The following PKHD1 variants were observed in gnomAD, a reference collection of about 807,000 sequenced individuals.
The protein encoded by PKHD1 is fibrocystin.
In PKHD1, 291 loss-of-function variants were observed where a neutral mutation model predicts 412.0. The ratio of observed to expected loss-of-function variants is 0.71; its 90% CI spans 0.64 to 0.78. The LOEUF (loss-of-function observed/expected upper bound fraction) is 0.78, where lower values mean the gene tolerates loss of function less well. Among genes scored for constraint, PKHD1 ranks in the 30% least tolerant of loss-of-function variants. The pLI is 0.00. For missense variants in PKHD1, 4,825 were observed against 4,950.7 expected, an observed-to-expected ratio of 0.97 and a Z score of 0.76; for synonymous variants, 1,777 against 1,821.5, an observed-to-expected ratio of 0.98 and a Z score of 0.62.
At chr6:51,862,618 T>C (rs1271650039) in intron 48 of PKHD1, among the ~76,000 whole-genome samples, 1 of 152,204 alleles carries the variant, frequency 6.6e-6, no homozygotes, top group Non-Finnish European at 1.5e-5. Flanking sequence ...AGGGGGTGAC[T>C]CGTACTTTGA....
At chr6:51,746,601 A>G in intron 59 of PKHD1, 120 bp downstream of exon 59, 2 of 715,920 alleles carry the variant, frequency 2.8e-6, no homozygotes, top group African/African-American at 3.5e-5. Context: ...GTACCTTACC[A>G]TTCTAAGATT....
chr6:51,663,543 C>T (rs542428314), intron 60 of PKHD1, among the ~76,000 whole-genome samples: 4 of 152,224 alleles, frequency 2.6e-5, no homozygotes, highest in African/African-American at 9.6e-5. Flanking sequence ...GACAATATTT[C>T]ATCTCTAAAT....
In PKHD1 at chr6:51,623,708, C is replaced by T. The variant is rs191104652; in HGVS notation, c.11785+3289G>A. ...AAGCAATTCTCCAGTCTCAGCCTCC[C>T]GAGTAGCTGTGACTACAGGCATGTG... On this transcript the variant is annotated intron_variant, in intron 66 of 66. Transcript: ENST00000371117. Among the ~76,000 whole-genome samples, 13 of 152,216 alleles carry T rather than the reference C, an allele frequency of 8.5e-5. 1 individual carries two copies. In the East Asian group the frequency reaches 2.5e-3, roughly 30 times the overall value.
At chr6:51,997,645 C>T (rs1046346087) in intron 35 of PKHD1, among the ~76,000 whole-genome samples, 7 of 152,128 alleles carry the variant, frequency 4.6e-5, no homozygotes, top group Non-Finnish European at 8.8e-5. Flanking sequence ...GTCATGTCTC[C>T]CCAGAAACTT....
intron 35 of PKHD1, among the ~76,000 whole-genome samples, chr6:51,988,445 A>G (rs1180374954): frequency 2.0e-5 from 3 of 152,136 alleles, no homozygotes; most frequent in Non-Finnish European, 4.4e-5. Context: ...CATACTACAT[A>G]TTTTTCATCT....
chr6:51,663,701 C>T (rs990144108), intron 60 of PKHD1, among the ~76,000 whole-genome samples: 15 of 152,108 alleles, frequency 9.9e-5, no homozygotes, highest in Non-Finnish European at 1.8e-4. Flanking sequence ...GACTCTTACT[C>T]TATAGTACAA....
intron 43 of PKHD1, among the ~76,000 whole-genome samples, chr6:51,896,921 A>G (rs921431874): frequency 1.9e-4 from 29 of 152,314 alleles, no homozygotes; most frequent in Middle Eastern, 3.4e-3. Flanking sequence ...CAGCGATGGA[A>G]GATGAAGTGA....
chr6:51,727,928 C>T (rs1000717944), intron 60 of PKHD1, among the ~76,000 whole-genome samples: 1 of 152,166 alleles, frequency 6.6e-6, no homozygotes, highest in Non-Finnish European at 1.5e-5. Context: ...CTCTTCTGCC[C>T]TACTCTATGC....
At chr6:51,707,987 C>T (rs1047672756) in intron 60 of PKHD1, among the ~76,000 whole-genome samples, 26 of 152,154 alleles carry the variant, frequency 1.7e-4, no homozygotes, top group Non-Finnish European at 3.4e-4. Context: ...TATTCTGTCC[C>T]TGAGCCTTGG....
chr6:51,749,934 ATAAAGT>A (rs768675369), intron 57 of PKHD1, among the ~76,000 whole-genome samples: 4 of 152,216 alleles, frequency 2.6e-5, no homozygotes, highest in African/African-American at 7.2e-5. Flanking sequence ...AAAGTAAACT[ATAAAGT>A]TATTTATCTC....
chr6:51,795,970 A>G (rs1212036899), intron 52 of PKHD1, among the ~76,000 whole-genome samples: 2 of 151,560 alleles, frequency 1.3e-5, no homozygotes, highest in Non-Finnish European at 3.0e-5. Context: ...AATAATATTG[A>G]CCCGAATTTG....
chr6:51,656,649 TA>T (rs1771901559), intron 61 of PKHD1, among the ~76,000 whole-genome samples: 1 of 145,138 alleles, frequency 6.9e-6, no homozygotes, highest in African/African-American at 2.5e-5. Flanking sequence ...GTTGGTAGCT[TA>T]TAGCTTTTCT....
At chr6:52,056,350 C>A (rs1240491785) in intron 18 of PKHD1, among the ~76,000 whole-genome samples, 1 of 152,096 alleles carries the variant, frequency 6.6e-6, no homozygotes, top group Non-Finnish European at 1.5e-5. Flanking sequence ...AGTAGTAATT[C>A]CTTTAGATGT....
rs1243362672 is a variant in PKHD1 at position 51,615,368 on chromosome 6, TTC to T, written c.*3711_*3712del. 1 of 152,204 alleles carries T rather than the reference TTC, an allele frequency of 6.6e-6. No individual in the cohort carries two copies. The highest frequency in any genetic ancestry group is 2.4e-5 in the African/African-American group (1 of 41,460). The allele number at this position is 152,204 out of a possible 1,614,324, so 9.4% of individuals were successfully genotyped here. A position where few individuals can be genotyped will look rare whatever the true frequency, so the allele number is the denominator to read the frequency against. The stretch of plus-strand genomic sequence containing the variant: ...ATTTAAGTTTACAGAAATGTTTTAT[TTC>T]TTTTTGAAAATTACCTTGTAGAAAT... On this transcript the variant is annotated 3_prime_UTR_variant, in exon 67 of 67. Coordinates refer to ENST00000371117, the MANE Select transcript of PKHD1 (RefSeq NM_138694.4).
At chr6:51,744,723 A>G (rs1232087346) in intron 59 of PKHD1, among the ~76,000 whole-genome samples, 181 bp from the exon 60 acceptor site, 2 of 152,200 alleles carry the variant, frequency 1.3e-5, no homozygotes, top group Non-Finnish European at 2.9e-5. Flanking sequence ...TATATGGTCA[A>G]GAAGAAAGAC....
intron 51 of PKHD1, among the ~76,000 whole-genome samples, chr6:51,831,885 C>T (rs540133540): frequency 3.9e-5 from 6 of 152,226 alleles, no homozygotes; most frequent in East Asian, 1.9e-4. Context: ...TAGCACATCA[C>T]GCACAACACC....
chr6:51,904,746 C>T (rs991593207), intron 41 of PKHD1, among the ~76,000 whole-genome samples: 1 of 152,184 alleles, frequency 6.6e-6, no homozygotes, highest in African/African-American at 2.4e-5. Context: ...TAAATTCTGC[C>T]TACAGGTTTT....
intron 36 of PKHD1, among the ~76,000 whole-genome samples, chr6:51,944,970 C>T (rs1789234092): frequency 6.6e-6 from 1 of 152,218 alleles, no homozygotes; most frequent in South Asian, 2.1e-4. Flanking sequence ...GGTCAGTCTA[C>T]AGGCTCCATG....
At chr6:51,753,480 G>A (rs1178688589) in intron 56 of PKHD1, 127 bp from the exon 57 acceptor site, 1 of 775,516 alleles carries the variant, frequency 1.3e-6, no homozygotes, top group African/African-American at 1.7e-5. Context: ...CAACATTAAG[G>A]TCTGCTTTTC....
Sources: allele counts gnomAD v4.1 joint callset (sites outside exome capture counted in the v4.1 genomes callset), GRCh38; gene constraint gnomAD v4.1.1; transcripts MANE v1.5; gene names NCBI Gene and HGNC (gene_info 2026-07-23, HGNC 2026-07-21).